Variants in GPR35 observed in about 807,000 individuals in gnomAD.
GPR35 encodes G protein-coupled receptor 35, also known as KYNA receptor.
For missense variants in GPR35, 372 were observed against 422.5 expected (o/e 0.88, Z 1.05); for synonymous variants, 207 against 198.4 (o/e 1.04, Z -0.36).
intron 1 of GPR35, among the ~76,000 whole-genome samples, chr2:240,625,842 G>C (rs1323939139): frequency 7.2e-6 from 1 of 137,944 alleles, no homozygotes; most frequent in Non-Finnish European, 1.6e-5. Context: ...TCTCAGAGTG[G>C]GGTGAGGCTG....
chr2:240,630,833 G>C lies in GPR35; in HGVS notation c.881G>C (p.Ser294Thr), dbSNP rs747252797. 7.4e-6 allele frequency: 12 copies of C among 1,612,910 alleles called. No individual in the cohort carries two copies. The highest frequency in any genetic ancestry group is 2.2e-5 in the East Asian group (1 of 44,866). Residue 294 changes from serine to threonine, a missense_variant, in exon 2 of 2, where the codon AGT becomes ACT. By Grantham distance (58) the Ser-to-Thr change is moderately conservative (BLOSUM62 1). Coordinates refer to ENST00000407714, the MANE Select transcript of GPR35 (RefSeq NM_005301.5). ...GCGTCTGCACTGGCCGTGGCTCCCA[G>C]TGCTAAGGCCCACAAAAGCCAGGAC... ...QEASALAVAP[S>T]AKAHKSQDSL...
intron 1 of GPR35, among the ~76,000 whole-genome samples, chr2:240,625,851 T>A (rs370787454): frequency 1.2e-5 from 1 of 83,078 alleles, no homozygotes; most frequent in Non-Finnish European, 2.4e-5. Context: ...GGGGTGAGGC[T>A]GTGATGGGTG....
Position 240,609,821 on chromosome 2 carries a change from C to G in GPR35, c.-577+3209C>G, listed in dbSNP as rs77797593. Among the ~76,000 whole-genome samples the G allele has an allele frequency of 2.0e-3, 302 of 152,226 alleles. 1 individual carries two copies. The highest frequency in any genetic ancestry group is 7.1e-3 in the African/African-American group (293 of 41,532). On this transcript the variant is annotated intron_variant, in intron 2 of 5. Coordinates refer to the GPR35 transcript ENST00000319838. ...ACTGAGATGAGGGTGTCATAATAAC[C>G]GATCACAATCATGAATTTGTCTGTT...
chr2:240,609,482 T>C (rs1324100745), intron 2 of GPR35, among the ~76,000 whole-genome samples: 1 of 152,250 alleles, frequency 6.6e-6, no homozygotes, highest in Non-Finnish European at 1.5e-5. Flanking sequence ...GTTATTTAAA[T>C]GTGTTGCTTA....
intron 1 of GPR35, chr2:240,627,471 TTTC>T (rs1336103875): frequency 3.9e-5 from 6 of 152,226 alleles, no homozygotes; most frequent in South Asian, 4.2e-4. Context: ...TTAGAGTTTT[TTTC>T]TTCTTCTTAG....
chr2:240,622,910 C>T (rs188874057), upstream of GPR35, among the ~76,000 whole-genome samples: 212 of 152,358 alleles, frequency 1.4e-3, 1 homozygote, highest in African/African-American at 2.4e-3. Flanking sequence ...GCCAGTTCTC[C>T]GCAGAGGGCC....
chr2:240,617,595 A>T (rs2125479635), intron 4 of GPR35: 1 of 221,396 alleles, frequency 4.5e-6, no homozygotes, highest in East Asian at 1.0e-4. Flanking sequence ...GTTGAGGTAC[A>T]GTTTGCATAG....
upstream of GPR35, among the ~76,000 whole-genome samples, chr2:240,624,659 T>C (rs545339656): frequency 2.6e-5 from 4 of 152,100 alleles, no homozygotes; most frequent in African/African-American, 9.6e-5. Context: ...GGAGAGGCTG[T>C]GGTCAGGGGC....
intron 2 of GPR35, among the ~76,000 whole-genome samples, chr2:240,615,881 C>T (rs1209838013): frequency 6.6e-6 from 1 of 152,220 alleles, no homozygotes. Flanking sequence ...AGATGAGGCT[C>T]AATTCCCACC....
chr2:240,617,448 T>C (rs187329383), intron 4 of GPR35: 378 of 565,018 alleles, frequency 6.7e-4, no homozygotes, highest in Middle Eastern at 4.3e-3. Flanking sequence ...AAATAATAGA[T>C]AATTAACCCT....
chr2:240,628,278 C>T (rs2043400577), intron 1 of GPR35: 1 of 152,164 alleles, frequency 6.6e-6, no homozygotes, highest in Admixed American at 6.5e-5. Context: ...CTGGGGATGT[C>T]CTCGGAGCCT....
chr2:240,624,863 C>T (rs1303541789), upstream of GPR35, among the ~76,000 whole-genome samples: 1 of 146,368 alleles, frequency 6.8e-6, no homozygotes, highest in Non-Finnish European at 1.5e-5. Flanking sequence ...TCTGGGTAGG[C>T]TTCTGAGGGG....
At chr2:240,628,257 T>C (rs181733997) in intron 1 of GPR35, 1 of 152,318 alleles carries the variant, frequency 6.6e-6, no homozygotes, top group East Asian at 1.9e-4. Context: ...AGCGATTGGT[T>C]CCAGTGGGTT....
At chr2:240,609,724 T>G in intron 2 of GPR35, among the ~76,000 whole-genome samples, 1 of 152,214 alleles carries the variant, frequency 6.6e-6, no homozygotes, top group Admixed American at 6.5e-5. Flanking sequence ...AACATCAGTT[T>G]GGATAAGATG....
At chr2:240,628,262 T>C (rs2043400500) in intron 1 of GPR35, 2 of 152,074 alleles carry the variant, frequency 1.3e-5, no homozygotes, top group Admixed American at 1.3e-4. Flanking sequence ...TTGGTTCCAG[T>C]GGGTTCTGGG....
chr2:240,608,297 C>G (rs1478690095), intron 2 of GPR35, among the ~76,000 whole-genome samples: 1 of 152,148 alleles, frequency 6.6e-6, no homozygotes, highest in African/African-American at 2.4e-5. Context: ...GCTGGGACCT[C>G]CAATACCGTT....
At chr2:240,625,408 GCCGC>G, upstream of GPR35, 9 of 985,478 alleles carry the variant, frequency 9.1e-6, no homozygotes, top group Non-Finnish European at 1.1e-5. Flanking sequence ...CCGTCAGTCA[GCCGC>G]CCGCCCCCCC....
At chr2:240,622,662 G>A (rs1281808441), upstream of GPR35, among the ~76,000 whole-genome samples, 1 of 152,268 alleles carries the variant, frequency 6.6e-6, no homozygotes, top group Non-Finnish European at 1.5e-5. Flanking sequence ...AGGGCTGCAG[G>A]GGTGGCGTCC....
chr2:240,622,805 G>C (rs1224155593), upstream of GPR35, among the ~76,000 whole-genome samples: 1 of 152,234 alleles, frequency 6.6e-6, no homozygotes, highest in Non-Finnish European at 1.5e-5. Context: ...CCTTGGGGGT[G>C]AGGGGGCAGC....
Sources: gnomAD v4.1 joint callset for allele counts (sites outside exome capture counted in the v4.1 genomes callset) on GRCh38, gnomAD v4.1.1 for gene constraint, MANE v1.5 for transcripts, NCBI Gene and HGNC (gene_info 2026-07-23, HGNC 2026-07-21) for gene names.